ARHGAP24: variants seen among roughly 807,000 people sequenced by gnomAD.
ARHGAP24 encodes Rho GTPase activating protein 24.
A neutral mutation model predicts 76.4 loss-of-function variants in ARHGAP24; 50 were observed. The ratio of observed to expected loss-of-function variants is 0.65; its 90% CI spans 0.52 to 0.83. ARHGAP24 has a LOEUF of 0.83. Ranked by LOEUF, ARHGAP24 falls within the 40% of genes least tolerant of loss-of-function variation. The probability of loss-of-function intolerance (pLI) is 0.00; values close to 1 mark genes in which losing one functional copy is unlikely to be tolerated. For missense variants in ARHGAP24, 930 were observed against 914.2 expected (o/e 1.02, Z -0.22); for synonymous variants, 345 against 323.3 (o/e 1.07, Z -0.72).
At chr4:85,992,399 A>G (rs958843610) in intron 8 of ARHGAP24, among the ~76,000 whole-genome samples, 5 of 152,236 alleles carry the variant, frequency 3.3e-5, no homozygotes, top group Non-Finnish European at 7.4e-5. Flanking sequence ...CATAATTGTG[A>G]CAAGTACACT....
At chr4:85,485,411 A>ATG in intron 1 of ARHGAP24, among the ~76,000 whole-genome samples, 1 of 97,822 alleles carries the variant, frequency 1.0e-5, no homozygotes, top group Non-Finnish European at 1.9e-5. Flanking sequence ...ATATATATAT[A>ATG]TATCTCCTTG....
In ARHGAP24 at chr4:85,839,843, C is replaced by CTTT. The variant is rs33974767; in HGVS notation, c.269-83783_269-83781dup. Among the ~76,000 whole-genome samples, 976 of 105,382 alleles carry CTTT rather than the reference C, an allele frequency of 9.3e-3. 29 individuals carry two copies. Among genetic ancestry groups the CTTT allele is most frequent in the Non-Finnish European group, 0.012 (664 of 55,508 alleles). 69.1% of individuals were successfully genotyped at this position (105,382 alleles called of 152,430 possible). On this transcript the variant is annotated intron_variant, in intron 3 of 9. Transcript: ENST00000395184. Reference sequence around the variant, plus strand: ...CTACCAAGTGTCTTTTTTCTGTTTTCTTTTTTTTTTTTTTTTTTTTTTTTG... The same window carrying CTTT: ...CTACCAAGTGTCTTTTTTCTGTTTTCTTTTTTTTTTTTTTTTTTTTTTTTTTTG...
chr4:85,484,584 C>A (rs1722945884), intron 1 of ARHGAP24, among the ~76,000 whole-genome samples: 1 of 152,064 alleles, frequency 6.6e-6, no homozygotes, highest in South Asian at 2.1e-4. Flanking sequence ...ATTCACCCCC[C>A]TTTGTGCGTT....
At chr4:85,487,821 CATATTTATTACATATTATATAAATAT>C (rs1723175950) in intron 1 of ARHGAP24, among the ~76,000 whole-genome samples, 1 of 106,048 alleles carries the variant, frequency 9.4e-6, no homozygotes, top group Non-Finnish European at 1.7e-5. Flanking sequence ...ATTATATAAA[CATATTTATTACATATTATATAAATAT>C]ATATTTATTA....
intron 1 of ARHGAP24, among the ~76,000 whole-genome samples, chr4:85,548,947 CATT>C (rs1215963790): frequency 1.3e-5 from 2 of 152,052 alleles, no homozygotes; most frequent in Non-Finnish European, 2.9e-5. Flanking sequence ...TTCTTTCACT[CATT>C]ATAATGACTG....
intron 3 of ARHGAP24, among the ~76,000 whole-genome samples, chr4:85,859,546 T>G (rs772920454): frequency 1.3e-5 from 2 of 152,122 alleles, no homozygotes; most frequent in African/African-American, 2.4e-5. Context: ...TGTTGAAATA[T>G]TCTCTATAAA....
chr4:85,674,042 G>A (rs752597876), intron 2 of ARHGAP24, among the ~76,000 whole-genome samples: 10 of 152,108 alleles, frequency 6.6e-5, no homozygotes, highest in Non-Finnish European at 1.2e-4. Context: ...CTGGGCTCTC[G>A]ACTTACCCAA....
intron 1 of ARHGAP24, among the ~76,000 whole-genome samples, chr4:85,478,274 C>G (rs1722679950): frequency 1.3e-5 from 2 of 152,182 alleles, no homozygotes; most frequent in Admixed American, 6.5e-5. Context: ...TTTAAAAATA[C>G]AGTTGTTAAA....
intron 5 of ARHGAP24, among the ~76,000 whole-genome samples, chr4:85,962,870 A>C (rs921684776): frequency 6.6e-6 from 1 of 151,854 alleles, no homozygotes; most frequent in African/African-American, 2.4e-5. Flanking sequence ...GGGACAATTA[A>C]AAATCAATGT....
At chr4:85,655,818 A>AGAGAGAGAGAAAGAG (rs1237643654) in intron 2 of ARHGAP24, among the ~76,000 whole-genome samples, 5 of 35,520 alleles carry the variant, frequency 1.4e-4, no homozygotes, top group Non-Finnish European at 2.6e-4. Context: ...GAGAGAGAGA[A>AGAGAGAGAGAAAGAG]AGAGAGAGAG....
intron 7 of ARHGAP24, among the ~76,000 whole-genome samples, chr4:85,975,992 A>AT (rs1164114384): frequency 6.6e-6 from 1 of 152,234 alleles, no homozygotes; most frequent in African/African-American, 2.4e-5. Context: ...AAATCATGCC[A>AT]TTGACACCTT....
At chr4:85,787,448 A>G (rs1475736507) in intron 3 of ARHGAP24, among the ~76,000 whole-genome samples, 1 of 151,962 alleles carries the variant, frequency 6.6e-6, no homozygotes, top group African/African-American at 2.4e-5. Context: ...CTCGTGGTCT[A>G]CCTCCTTGCA....
intron 3 of ARHGAP24, among the ~76,000 whole-genome samples, chr4:85,854,329 T>C (rs889540125): frequency 2.6e-5 from 4 of 152,154 alleles, no homozygotes; most frequent in Admixed American, 2.0e-4. Flanking sequence ...TGAAGACTTA[T>C]AGACAATATT....
intron 5 of ARHGAP24, among the ~76,000 whole-genome samples, chr4:85,970,250 C>A (rs535658779): frequency 7.2e-5 from 11 of 152,280 alleles, no homozygotes; most frequent in African/African-American, 2.6e-4. Context: ...GTTTTTCTCC[C>A]TTGCTTTGAT....
intron 3 of ARHGAP24, among the ~76,000 whole-genome samples, chr4:85,907,232 T>G (rs1734817612): frequency 6.6e-6 from 1 of 152,154 alleles, no homozygotes. Flanking sequence ...GGGAAAACCC[T>G]CCTGTGGTCA....
At chr4:85,551,712 G>T (rs1026411143) in intron 1 of ARHGAP24, among the ~76,000 whole-genome samples, 1 of 151,982 alleles carries the variant, frequency 6.6e-6, no homozygotes, top group Non-Finnish European at 1.5e-5. Context: ...ACTCATTATT[G>T]GTCTGTTCAG....
intron 1 of ARHGAP24, among the ~76,000 whole-genome samples, chr4:85,543,293 C>T (rs1725782225): frequency 6.6e-6 from 1 of 152,116 alleles, no homozygotes; most frequent in Non-Finnish European, 1.5e-5. Context: ...AAGTATCGGC[C>T]TGGTGATAGT....
At chr4:85,838,098 A>G (rs78239133) in intron 3 of ARHGAP24, among the ~76,000 whole-genome samples, 2,135 of 152,248 alleles carry the variant, frequency 0.014, 50 homozygotes, top group African/African-American at 0.049. Flanking sequence ...AAGCATCTAC[A>G]TTACTTATAC....
rs370748568 is a variant in ARHGAP24 at position 85,526,342 on chromosome 4, G to T, written c.-20-44180G>T. ...TTGACCCCAGGAGGTTGAGACTGCA[G>T]TGAGCTGTGTTTGTGTCTCTGTACT... is the stretch of plus-strand genomic sequence containing the variant. On this transcript the variant is annotated intron_variant, in intron 1 of 9. Transcript: ENST00000395184. Among the ~76,000 whole-genome samples the T allele has an allele frequency of 1.6e-4, 24 of 151,064 alleles. No homozygotes were observed. In the South Asian group the frequency reaches 1.9e-3, roughly 12 times the overall value.
Sources: gnomAD v4.1 joint callset for allele counts (sites outside exome capture counted in the v4.1 genomes callset) on GRCh38, gnomAD v4.1.1 for gene constraint, MANE v1.5 for transcripts, NCBI Gene and HGNC (gene_info 2026-07-23, HGNC 2026-07-21) for gene names.